The following MTERF4 variants were observed in gnomAD, a reference collection of about 807,000 sequenced individuals.
The protein encoded by MTERF4 is transcription termination factor 4, mitochondrial.
A neutral mutation model predicts 22.5 loss-of-function variants in MTERF4; 17 were observed. The observed-to-expected ratio is 0.75, with a 90% CI of 0.52 to 1.13. The LOEUF (loss-of-function observed/expected upper bound fraction) is 1.13, where lower values mean the gene tolerates loss of function less well. MTERF4 is among the 50% of genes most tolerant of loss of function. The pLI is 0.00. For synonymous variants in MTERF4, 165 were observed against 175.3 expected, an observed-to-expected ratio of 0.94 and a Z score of 0.47; for missense variants, 420 against 466.8, an observed-to-expected ratio of 0.90 and a Z score of 0.92.
At chr2:241,078,388 A>C (rs2063148515) in intron 4 of MTERF4, among the ~76,000 whole-genome samples, 1 of 151,292 alleles carries the variant, frequency 6.6e-6, no homozygotes. Flanking sequence ...GTCTCAAAAA[A>C]AAAAAAAAAA....
At chr2:241,082,402 C>T (rs980027147), downstream of MTERF4, 20 of 1,534,412 alleles carry the variant, frequency 1.3e-5, no homozygotes, top group Non-Finnish European at 1.7e-5. Context: ...CCGCATTTGT[C>T]GTGTGTTCTT....
chr2:241,053,458 C>T, the MTERF4 span: 18 of 876,408 alleles, frequency 2.1e-5, no homozygotes, highest in South Asian at 5.2e-5. Context: ...CCCTGCTCCC[C>T]TCAGTCTCCT....
intron 1 of MTERF4, chr2:241,101,362 G>A: frequency 3.1e-6 from 1 of 323,980 alleles, no homozygotes; most frequent in Non-Finnish European, 6.6e-6. Context: ...ACAGGAGGCG[G>A]AGCTCAGGCG....
At chr2:241,089,488 G>T (rs945972418), downstream of MTERF4, 1 of 1,491,304 alleles carries the variant, frequency 6.7e-7, no homozygotes, top group Admixed American at 2.2e-5. Context: ...TGGGGGAAAG[G>T]TCTGGGCCGG....
At chr2:241,069,004 G>A (rs374832093), downstream of MTERF4, 66 of 1,552,252 alleles carry the variant, frequency 4.3e-5, no homozygotes, top group Non-Finnish European at 5.3e-5. This position sits in a 1 kb window ranked among gnomAD's most constrained non-coding sequence, Gnocchi z 4.9. Context: ...TGGCCACCGC[G>A]CCGACGCACG....
chr2:241,098,285 AG>A (rs2064547121), intron 2 of MTERF4, among the ~76,000 whole-genome samples: 1 of 152,258 alleles, frequency 6.6e-6, no homozygotes, highest in Non-Finnish European at 1.5e-5. Context: ...TTACACTGTA[AG>A]AATCTGTTAA....
chr2:241,080,712 T>C (rs534082209), intron 4 of MTERF4, among the ~76,000 whole-genome samples: 13 of 152,226 alleles, frequency 8.5e-5, no homozygotes, highest in Non-Finnish European at 1.9e-4. Context: ...AATATACCAA[T>C]ATCTCTGTGT....
At chr2:241,078,880 G>A (rs2063178423) in intron 4 of MTERF4, among the ~76,000 whole-genome samples, 1 of 151,994 alleles carries the variant, frequency 6.6e-6, no homozygotes, top group African/African-American at 2.4e-5. Flanking sequence ...TTGGGAGGCT[G>A]AGGCAGGTGG....
chr2:241,071,973 C>T (rs1559296841), downstream of MTERF4: 3 of 1,065,476 alleles, frequency 2.8e-6, no homozygotes, highest in Non-Finnish European at 2.8e-6. Flanking sequence ...TGAGCCCACC[C>T]CCACCGCCAG....
At chr2:241,065,539 G>T in the MTERF4 span, 2 of 1,612,878 alleles carry the variant, frequency 1.2e-6, no homozygotes, top group Non-Finnish European at 1.7e-6. Flanking sequence ...TCAGTGAAGC[G>T]AAACAGTAAC....
downstream of MTERF4, among the ~76,000 whole-genome samples, chr2:241,069,453 C>T (rs138251666): frequency 5.1e-3 from 771 of 152,298 alleles, 2 homozygotes; most frequent in Non-Finnish European, 7.4e-3. The surrounding 1 kb of genome is among the most constrained non-coding windows in gnomAD (Gnocchi z 4.9). Flanking sequence ...ACAGTCAGCG[C>T]GCAGGGGAGG....
Position 241,096,010 on chromosome 2 carries a change from G to A in MTERF4, c.1134C>T (p.Asp378=), listed in dbSNP as rs10167328. The A allele has an allele frequency of 2.2e-5, 36 of 1,613,500 alleles. No individual in the cohort carries two copies. The Admixed American group carries it at 3.7e-4, about 16-fold the overall frequency. ...AEDNDEDEDD[D]EEE ...CCTTCCATCACAGCTATTCCTCCTC[G>A]TCGTCGTCCTCATCCTCATCATTGT... Residue 378 remains aspartate, a synonymous_variant, in exon 4 of 4, where the codon GAC becomes GAT. Transcript: ENST00000391980. The surrounding 1 kb of genome is among the most constrained non-coding windows in gnomAD (Gnocchi z 5.1).
downstream of MTERF4, among the ~76,000 whole-genome samples, chr2:241,090,758 T>C (rs1559324292): frequency 6.6e-6 from 1 of 151,566 alleles, no homozygotes; most frequent in East Asian, 1.9e-4. Flanking sequence ...TCTCAGCTAC[T>C]GAAGAGGCTG....
chr2:241,098,327 C>G (rs1019772556), intron 2 of MTERF4, among the ~76,000 whole-genome samples: 7 of 152,142 alleles, frequency 4.6e-5, no homozygotes, highest in African/African-American at 1.7e-4. Flanking sequence ...TTTTTCTTAT[C>G]TTCTAGAGAA....
downstream of MTERF4, chr2:241,094,118 A>G: frequency 2.8e-6 from 1 of 354,528 alleles, no homozygotes; most frequent in Non-Finnish European, 5.7e-6. The surrounding 1 kb of genome is among the most constrained non-coding windows in gnomAD (Gnocchi z 4.3). Flanking sequence ...CTCATTTCCA[A>G]ACAGTTTTGC....
At chr2:241,057,566 C>G in the MTERF4 span, among the ~76,000 whole-genome samples, 1 of 151,658 alleles carries the variant, frequency 6.6e-6, no homozygotes, top group Admixed American at 6.6e-5. Flanking sequence ...CTCCTGTAGT[C>G]CCAACTACTC....
At chr2:241,085,860 CTTTTTTTTTTTTTTT>C (rs772995766), downstream of MTERF4, among the ~76,000 whole-genome samples, 1 of 79,160 alleles carries the variant, frequency 1.3e-5, no homozygotes, top group African/African-American at 5.1e-5. Flanking sequence ...TCTGCGGTTT[CTTTTTTTTTTTTTTT>C]TTTTTTTTTG....
At chr2:241,053,572 G>A in the MTERF4 span, among the ~76,000 whole-genome samples, 1 of 152,372 alleles carries the variant, frequency 6.6e-6, no homozygotes, top group African/African-American at 2.4e-5. Flanking sequence ...GCCCGGAGCA[G>A]GAGGTCAAAC....
downstream of MTERF4, chr2:241,068,956 C>T (rs2062584768): frequency 6.4e-7 from 1 of 1,556,224 alleles, no homozygotes; most frequent in Non-Finnish European, 8.7e-7. The surrounding 1 kb of genome is among the most constrained non-coding windows in gnomAD (Gnocchi z 5.3). Flanking sequence ...TGACCACCCT[C>T]AGTGGGCTCA....
Sources: allele counts gnomAD v4.1 joint callset (sites outside exome capture counted in the v4.1 genomes callset), GRCh38; gene constraint gnomAD v4.1.1; non-coding constraint Gnocchi (gnomAD v3.1); transcripts MANE v1.5; gene names NCBI Gene and HGNC (gene_info 2026-07-23, HGNC 2026-07-21).